The following PTPRT variants were observed in gnomAD, a reference collection of about 807,000 sequenced individuals.
The protein encoded by PTPRT is receptor-type tyrosine-protein phosphatase T.
PTPRT carries 56 observed loss-of-function variants against 176.8 expected under a neutral mutation model. The observed-to-expected ratio is 0.32, with a 90% CI of 0.26 to 0.40. PTPRT has a LOEUF of 0.40. Ranked by LOEUF, PTPRT falls within the 10% of genes least tolerant of loss-of-function variation. The probability of loss-of-function intolerance (pLI) is 1.00; values close to 1 mark genes in which losing one functional copy is unlikely to be tolerated. For missense variants in PTPRT, 1,540 were observed against 1,908.2 expected, an observed-to-expected ratio of 0.81 and a Z score of 3.60; for synonymous variants, 783 against 739.0, an observed-to-expected ratio of 1.06 and a Z score of -0.96.
intron 12 of PTPRT, among the ~76,000 whole-genome samples, chr20:42,289,146 A>G (rs2057279371): frequency 6.6e-6 from 1 of 152,146 alleles, no homozygotes; most frequent in Non-Finnish European, 1.5e-5. Context: ...AAAGACTTAA[A>G]TGTAAGACCT....
At chr20:42,384,540 G>T (rs777966869) in intron 9 of PTPRT, among the ~76,000 whole-genome samples, 59 of 152,238 alleles carry the variant, frequency 3.9e-4, no homozygotes, top group Middle Eastern at 6.8e-3. Context: ...CGATGTCTTG[G>T]CTATTGTAAA....
intron 2 of PTPRT, among the ~76,000 whole-genome samples, chr20:42,797,663 G>T (rs2077471381): frequency 6.6e-6 from 1 of 152,074 alleles, no homozygotes; most frequent in African/African-American, 2.4e-5. Flanking sequence ...GAGAATTAAG[G>T]TTCAGATGGA....
intron 7 of PTPRT, among the ~76,000 whole-genome samples, chr20:42,536,980 T>C (rs2072487954): frequency 6.6e-6 from 1 of 152,116 alleles, no homozygotes; most frequent in East Asian, 1.9e-4. Flanking sequence ...AATGACTGAA[T>C]AACCATGATA....
At chr20:42,655,301 C>T (rs1417930987) in intron 7 of PTPRT, among the ~76,000 whole-genome samples, 2 of 152,130 alleles carry the variant, frequency 1.3e-5, no homozygotes, top group Non-Finnish European at 2.9e-5. Flanking sequence ...ACCAGCCTGG[C>T]CAAACATGGT....
intron 1 of PTPRT, among the ~76,000 whole-genome samples, chr20:42,973,529 C>T (rs947494883): frequency 4.6e-5 from 7 of 152,122 alleles, no homozygotes; most frequent in African/African-American, 1.7e-4. Flanking sequence ...TATTTAATCA[C>T]GAATGCATTG....
intron 8 of PTPRT, among the ~76,000 whole-genome samples, chr20:42,466,741 A>G (rs1342385821): frequency 6.6e-6 from 1 of 152,158 alleles, no homozygotes; most frequent in South Asian, 2.1e-4. Flanking sequence ...TACTGAAAGA[A>G]CCTACAGGCA....
rs192509585 is a variant in PTPRT at position 42,475,336 on chromosome 20, T to C, written c.1154-2774A>G. On this transcript the variant is annotated intron_variant, in intron 7 of 30. Coordinates refer to ENST00000373187, the MANE Select transcript of PTPRT (RefSeq NM_007050.6). ...CATGTAGTGTGCAAAGTAAAAACTC[T>C]CTGTAAGCTATCAGTTGCACTCTCT... Among the ~76,000 whole-genome samples, 71 of 152,242 alleles carry C rather than the reference T, an allele frequency of 4.7e-4. 1 individual carries two copies. Among genetic ancestry groups the C allele is most frequent in the Admixed American group, 3.8e-3 (58 of 15,282 alleles).
intron 15 of PTPRT, among the ~76,000 whole-genome samples, chr20:42,202,599 G>A (rs947469252): frequency 2.6e-5 from 4 of 152,206 alleles, no homozygotes; most frequent in Non-Finnish European, 5.9e-5. Context: ...TCAAAAAGGA[G>A]TGTGTTTAAA....
chr20:42,485,766 C>T (rs753980826), intron 7 of PTPRT, among the ~76,000 whole-genome samples: 4 of 152,140 alleles, frequency 2.6e-5, no homozygotes, highest in Non-Finnish European at 5.9e-5. Flanking sequence ...AAGAGCCCTG[C>T]TGTGTCAGCA....
chr20:43,146,944 G>A (rs75588885), intron 1 of PTPRT, among the ~76,000 whole-genome samples: 5,703 of 152,236 alleles, frequency 0.037, 138 homozygotes, highest in Non-Finnish European at 0.052. Flanking sequence ...CTGGCCAGCA[G>A]CCAAGGCCTT....
chr20:42,405,461 C>T (rs2425493), intron 9 of PTPRT, among the ~76,000 whole-genome samples: 13,081 of 152,106 alleles, frequency 0.086, 597 homozygotes, highest in Middle Eastern at 0.13. Flanking sequence ...TTTGTCCTTG[C>T]GACAGTTTGC....
At chr20:42,178,594 A>G (rs1398880865) in intron 16 of PTPRT, among the ~76,000 whole-genome samples, 2 of 152,224 alleles carry the variant, frequency 1.3e-5, no homozygotes, top group Non-Finnish European at 2.9e-5. Flanking sequence ...GCTTAAAATA[A>G]CAAACATATA....
intron 7 of PTPRT, among the ~76,000 whole-genome samples, chr20:42,664,004 A>G (rs1415807848): frequency 2.0e-5 from 3 of 152,216 alleles, no homozygotes; most frequent in African/African-American, 7.2e-5. Flanking sequence ...TCCTCTTAAC[A>G]TGCTGTACCA....
intron 2 of PTPRT, among the ~76,000 whole-genome samples, chr20:42,810,757 A>T (rs559081503): frequency 5.9e-5 from 9 of 152,334 alleles, no homozygotes; most frequent in African/African-American, 2.2e-4. Context: ...CCCACCCAAA[A>T]GGGGAAAATC....
In PTPRT at chr20:42,675,503, G is replaced by A. The variant is rs118001894; in HGVS notation, c.1153+2363C>T. On this transcript the variant is annotated intron_variant, in intron 7 of 30. Transcript: ENST00000373187. ...AGGTGTAATTATCTTAGCCACTTAC[G>A]TGGACAACTCTGTGCTTGTCTGTCA... Among the ~76,000 whole-genome samples the A allele has an allele frequency of 5.1e-4, 77 of 152,280 alleles. No homozygotes were observed. The East Asian group carries it at 0.01, about 21-fold the overall frequency.
chr20:42,239,944 T>C (rs1264205320), intron 14 of PTPRT, among the ~76,000 whole-genome samples: 1 of 152,206 alleles, frequency 6.6e-6, no homozygotes, highest in Non-Finnish European at 1.5e-5. Context: ...TGTGTATCTT[T>C]GGACCAGTTG....
At chr20:42,868,087 G>A (rs1379241087) in intron 2 of PTPRT, among the ~76,000 whole-genome samples, 2 of 152,154 alleles carry the variant, frequency 1.3e-5, no homozygotes, top group Admixed American at 6.5e-5. Flanking sequence ...AAATGTGGAA[G>A]TGGCTTTAGA....
chr20:42,706,181 G>T (rs74177342), intron 6 of PTPRT, among the ~76,000 whole-genome samples: 3 of 29,722 alleles, frequency 1.0e-4, no homozygotes, highest in Non-Finnish European at 2.0e-4. Flanking sequence ...CTCTCTGTTT[G>T]TGTGTGTGTG....
At chr20:42,949,324 A>G (rs1169592816) in intron 1 of PTPRT, among the ~76,000 whole-genome samples, 1 of 152,212 alleles carries the variant, frequency 6.6e-6, no homozygotes, top group East Asian at 1.9e-4. Flanking sequence ...ACTTCACAAC[A>G]TCTGCTGCCA....
Sources: allele counts gnomAD v4.1 joint callset (sites outside exome capture counted in the v4.1 genomes callset), GRCh38; gene constraint gnomAD v4.1.1; transcripts MANE v1.5; gene names NCBI Gene and HGNC (gene_info 2026-07-23, HGNC 2026-07-21).